The following SNX13 variants were observed in gnomAD, a reference collection of about 807,000 sequenced individuals.
The protein encoded by SNX13 is sorting nexin 13.
In SNX13, 45 loss-of-function variants were observed where a neutral mutation model predicts 133.6. That is an observed-to-expected ratio of 0.34 (90% CI 0.27 to 0.43). SNX13 has a LOEUF of 0.43. Ranked by LOEUF, SNX13 falls within the 20% of genes least tolerant of loss-of-function variation. The pLI is 1.00. For synonymous variants in SNX13, 414 were observed against 373.9 expected, an observed-to-expected ratio of 1.11 and a Z score of -1.24; for missense variants, 1,032 against 1,145.1, an observed-to-expected ratio of 0.90 and a Z score of 1.43.
chr7:17,889,811 T>C (rs968389726), intron 5 of SNX13: 2 of 152,176 alleles, frequency 1.3e-5, no homozygotes, highest in African/African-American at 4.8e-5. Flanking sequence ...TTAGTATATC[T>C]GACAAAAAAA....
At chr7:17,853,316 C>G (rs1203960546) in intron 9 of SNX13, among the ~76,000 whole-genome samples, 2 of 152,020 alleles carry the variant, frequency 1.3e-5, no homozygotes, top group African/African-American at 4.8e-5. Flanking sequence ...ATAACTATGA[C>G]TGTAAATAAA....
intron 20 of SNX13, among the ~76,000 whole-genome samples, chr7:17,806,840 G>A (rs1010412877): frequency 3.3e-5 from 5 of 152,214 alleles, no homozygotes; most frequent in East Asian, 1.9e-4. Flanking sequence ...CGCGTCACGC[G>A]GGAAGTGGAA....
At chr7:17,831,385 T>C in intron 15 of SNX13, 1 of 840,442 alleles carries the variant, frequency 1.2e-6, no homozygotes, top group Non-Finnish European at 1.4e-6. Context: ...GGAGAAAATA[T>C]CTACTTTTAA....
intron 1 of SNX13, among the ~76,000 whole-genome samples, chr7:17,924,142 T>G (rs956310679): frequency 2.0e-5 from 3 of 152,062 alleles, no homozygotes; most frequent in African/African-American, 7.2e-5. Flanking sequence ...TCAGACTACA[T>G]CAAAATTAGA....
At chr7:17,802,104 T>C (rs1374033381) in intron 21 of SNX13, among the ~76,000 whole-genome samples, 2 of 152,068 alleles carry the variant, frequency 1.3e-5, no homozygotes, top group Non-Finnish European at 2.9e-5. Context: ...ATGCCTACAG[T>C]ATTCAGTACA....
intron 11 of SNX13, among the ~76,000 whole-genome samples, chr7:17,846,313 T>G (rs1028928205): frequency 6.6e-6 from 1 of 152,070 alleles, no homozygotes; most frequent in African/African-American, 2.4e-5. Context: ...TTGGGCTAGT[T>G]ACATTACAGA....
Position 17,915,704 on chromosome 7 carries a change from T to C in SNX13, c.13-18258A>G, listed in dbSNP as rs540762210. 5.7e-4 allele frequency among the ~76,000 whole-genome samples: 87 copies of C among 152,226 alleles called. 1 individual carries two copies. The highest frequency in any genetic ancestry group is 2.1e-3 in the African/African-American group (87 of 41,546). ...AAACAAGAGTTAGACAGTCACACAA[T>C]AATAGGGACTTCAACATCCAACTGA... On this transcript the variant is annotated intron_variant, in intron 1 of 25. Transcript: ENST00000428135.
At chr7:17,920,850 T>G (rs1800050477) in intron 1 of SNX13, among the ~76,000 whole-genome samples, 1 of 152,224 alleles carries the variant, frequency 6.6e-6, no homozygotes, top group Non-Finnish European at 1.5e-5. Flanking sequence ...CTATAAATAG[T>G]TGCTCACAAA....
At chr7:17,806,105 A>G (rs974425787) in intron 20 of SNX13, among the ~76,000 whole-genome samples, 2 of 152,228 alleles carry the variant, frequency 1.3e-5, no homozygotes, top group African/African-American at 4.8e-5. Flanking sequence ...CAGATGCTGT[A>G]TATTCATTCA....
At chr7:17,908,249 C>A (rs556178069) in intron 1 of SNX13, among the ~76,000 whole-genome samples, 2 of 152,232 alleles carry the variant, frequency 1.3e-5, no homozygotes, top group South Asian at 2.1e-4. Flanking sequence ...CTTTTGAAAC[C>A]TTCCCTTCCT....
chr7:17,803,669 C>G (rs527343670), intron 20 of SNX13, 89 bp from the exon 21 acceptor site: 1 of 1,138,942 alleles, frequency 8.8e-7, no homozygotes, highest in African/African-American at 1.6e-5. Context: ...GAGTGCAACA[C>G]TGGAAAGATG....
At chr7:17,874,180 A>G (rs745865349) in intron 7 of SNX13, among the ~76,000 whole-genome samples, 1 of 152,230 alleles carries the variant, frequency 6.6e-6, no homozygotes. Flanking sequence ...TGAACTGCTC[A>G]GGTCCACTTA....
chr7:17,877,200 A>G (rs1794829918), intron 5 of SNX13, among the ~76,000 whole-genome samples: 1 of 152,070 alleles, frequency 6.6e-6, no homozygotes, highest in Non-Finnish European at 1.5e-5. Flanking sequence ...ACGAAAACAA[A>G]TTAACATAAA....
chr7:17,841,017 G>A (rs1307499104), intron 12 of SNX13, among the ~76,000 whole-genome samples: 1 of 152,080 alleles, frequency 6.6e-6, no homozygotes, highest in African/African-American at 2.4e-5. Flanking sequence ...ACAAGTAGCT[G>A]TGCATGCACT....
At chr7:17,938,159 T>C (rs1292864853) in intron 1 of SNX13, among the ~76,000 whole-genome samples, 1 of 152,022 alleles carries the variant, frequency 6.6e-6, no homozygotes, top group Non-Finnish European at 1.5e-5. Context: ...GTTTAAAAAA[T>C]GAAAAGGAAA....
At chr7:17,858,579 T>C (rs942341337) in intron 9 of SNX13, among the ~76,000 whole-genome samples, 2 of 152,086 alleles carry the variant, frequency 1.3e-5, no homozygotes, top group Non-Finnish European at 2.9e-5. Flanking sequence ...CATCTATAGA[T>C]TCAATGTAAT....
intron 17 of SNX13, among the ~76,000 whole-genome samples, chr7:17,824,361 G>A (rs994744045): frequency 6.6e-6 from 1 of 152,058 alleles, no homozygotes; most frequent in African/African-American, 2.4e-5. Context: ...TAGTCTATAA[G>A]CTCCTACTTT....
intron 1 of SNX13, among the ~76,000 whole-genome samples, chr7:17,910,278 A>C (rs1420305075): frequency 1.3e-5 from 2 of 152,252 alleles, no homozygotes; most frequent in Non-Finnish European, 2.9e-5. Flanking sequence ...TTTGAATGAA[A>C]GGAATAAAAC....
At chr7:17,882,828 C>G in intron 5 of SNX13, 2 of 1,271,502 alleles carry the variant, frequency 1.6e-6, no homozygotes, top group Non-Finnish European at 2.1e-6. Context: ...ATTACATATT[C>G]TAGGAGACAC....
Sources: gnomAD v4.1 joint callset for allele counts (sites outside exome capture counted in the v4.1 genomes callset) on GRCh38, gnomAD v4.1.1 for gene constraint, MANE v1.5 for transcripts, NCBI Gene and HGNC (gene_info 2026-07-23, HGNC 2026-07-21) for gene names.